SNX24: variants seen among roughly 807,000 people sequenced by gnomAD.
The protein encoded by SNX24 is sorting nexin 24, also known as sorting nexin-24.
SNX24 carries 22 observed loss-of-function variants against 28.7 expected under a neutral mutation model. The ratio of observed to expected loss-of-function variants is 0.77; its 90% CI spans 0.55 to 1.10. The LOEUF is 1.10. Among genes scored for constraint, SNX24 ranks in the 50% least tolerant of loss-of-function variants. The pLI, the probability that SNX24 is intolerant of heterozygous loss-of-function variation, is 0.00. For synonymous variants in SNX24, 69 were observed against 71.5 expected, an observed-to-expected ratio of 0.96 and a Z score of 0.18; for missense variants, 221 against 201.1, an observed-to-expected ratio of 1.10 and a Z score of -0.60.
chr5:122,915,199 C>A (rs908560977), intron 1 of SNX24, among the ~76,000 whole-genome samples: 2 of 152,202 alleles, frequency 1.3e-5, no homozygotes, highest in South Asian at 4.1e-4. Context: ...AATTTGCCCA[C>A]TTTCATCTCC....
intron 3 of SNX24, among the ~76,000 whole-genome samples, chr5:122,958,277 G>A (rs1420776685): frequency 1.3e-5 from 2 of 151,412 alleles, no homozygotes; most frequent in Non-Finnish European, 2.9e-5. Flanking sequence ...TTTTGAGACA[G>A]AGTTTCACTC....
At chr5:123,009,717 G>A (rs1032985751), downstream of SNX24, among the ~76,000 whole-genome samples, 8 of 152,268 alleles carry the variant, frequency 5.3e-5, no homozygotes, top group South Asian at 2.1e-4. Flanking sequence ...GGTCTTTTAC[G>A]CAGAAAAGGC....
At chr5:122,851,622 T>C (rs1754923221) in intron 1 of SNX24, among the ~76,000 whole-genome samples, 1 of 152,226 alleles carries the variant, frequency 6.6e-6, no homozygotes, top group Non-Finnish European at 1.5e-5. Context: ...CACTTAGAAA[T>C]GTAGCATGCT....
chr5:122,872,344 C>T lies in SNX24; in HGVS notation c.60+26651C>T, dbSNP rs544203409. On this transcript the variant is annotated intron_variant, in intron 1 of 6. Transcript: ENST00000261369. ...ATTTATTGATCACAGAATATTCCAA[C>T]TACCTTTCTGTGCTGTAGGCTCCTA... Among the ~76,000 whole-genome samples the T allele has an allele frequency of 2.1e-4, 32 of 152,122 alleles. No homozygotes were observed. In the East Asian group the frequency reaches 6.0e-3, roughly 29 times the overall value.
At chr5:122,967,657 G>T (rs1458186315) in intron 3 of SNX24, among the ~76,000 whole-genome samples, 2 of 152,300 alleles carry the variant, frequency 1.3e-5, no homozygotes, top group Admixed American at 6.5e-5. Flanking sequence ...ACTGCCTGGG[G>T]TCACATTTGA....
At chr5:122,899,252 A>C (rs182380356) in intron 1 of SNX24, among the ~76,000 whole-genome samples, 1 of 152,274 alleles carries the variant, frequency 6.6e-6, no homozygotes, top group Non-Finnish European at 1.5e-5. Context: ...GGGTTCTGGC[A>C]GTAGATGTTC....
chr5:122,854,556 T>A (rs1755095017), intron 1 of SNX24, among the ~76,000 whole-genome samples: 1 of 149,664 alleles, frequency 6.7e-6, no homozygotes, highest in Admixed American at 6.7e-5. Context: ...GTTACTTATG[T>A]AAAAAAAAAA....
rs1326933782 is a variant in SNX24 at position 122,885,357 on chromosome 5, C to CT, written c.60+39665dup. Among the ~76,000 whole-genome samples the CT allele has an allele frequency of 6.6e-5, 10 of 152,304 alleles. No individual in the cohort carries two copies. The East Asian group carries it at 1.7e-3, about 26-fold the overall frequency. On this transcript the variant is annotated intron_variant, in intron 1 of 6. Transcript: ENST00000261369. ...GGTGAGGTGGGGGTAGGGGAGCACA[C>CT]TGTTCAATGCCCCAGGCCCCTCCTG...
chr5:122,853,695 C>G (rs1299201111), intron 1 of SNX24: 2 of 403,420 alleles, frequency 5.0e-6, no homozygotes, highest in Admixed American at 5.1e-5. Context: ...GCAGTGTTGC[C>G]CAGGCAGGCC....
Position 123,025,371 on chromosome 5 carries a change from T to C in SNX24, n.384-3867T>C, listed in dbSNP as rs539222280. On this transcript the variant is annotated intron_variant and non_coding_transcript_variant, in intron 5 of 5. Transcript: ENST00000502387. ...TCTGTTTCTATCAATGTGACCACTTTAGATATTTTATATAAATGAAGTCAT... is the reference window on the plus strand; with the variant it reads ...TCTGTTTCTATCAATGTGACCACTTCAGATATTTTATATAAATGAAGTCAT... Among the ~76,000 whole-genome samples the C allele has an allele frequency of 1.6e-4, 24 of 152,338 alleles. No individual in the cohort carries two copies. In the South Asian group the frequency reaches 5.0e-3, roughly 32 times the overall value.
At chr5:122,877,794 G>A (rs1756298259) in intron 1 of SNX24, among the ~76,000 whole-genome samples, 1 of 152,090 alleles carries the variant, frequency 6.6e-6, no homozygotes, top group African/African-American at 2.4e-5. Flanking sequence ...TTTTGATTCT[G>A]CCTGAGTTTG....
chr5:122,850,682 C>T (rs746442739), intron 1 of SNX24, among the ~76,000 whole-genome samples: 21 of 151,606 alleles, frequency 1.4e-4, no homozygotes, highest in Non-Finnish European at 2.5e-4. Context: ...TTCATTTGGG[C>T]ACCCACTGAG....
At chr5:122,958,707 A>ATAAAG (rs1436903611) in intron 3 of SNX24, among the ~76,000 whole-genome samples, 1 of 112,798 alleles carries the variant, frequency 8.9e-6, no homozygotes, top group Admixed American at 9.8e-5. Context: ...TAGTCTTTTT[A>ATAAAG]TTTTTTAATT....
At chr5:122,926,205 G>A (rs417569) in intron 1 of SNX24, among the ~76,000 whole-genome samples, 147,248 of 152,290 alleles carry the variant, frequency 0.97, 71,237 homozygotes, top group East Asian at 1. Context: ...TAGGTAGAGG[G>A]AGAAGCACTC....
intron 2 of SNX24, among the ~76,000 whole-genome samples, chr5:122,937,152 A>G (rs1475951239): frequency 6.6e-6 from 1 of 152,252 alleles, no homozygotes; most frequent in Non-Finnish European, 1.5e-5. Context: ...CCTTACAGAC[A>G]GGGGAGAAAA....
intron 3 of SNX24, among the ~76,000 whole-genome samples, chr5:122,957,089 C>A (rs1760248205): frequency 6.6e-6 from 1 of 152,090 alleles, no homozygotes; most frequent in African/African-American, 2.4e-5. Flanking sequence ...GAAATCATTG[C>A]CAAATCCAGT....
At chr5:122,911,081 A>T (rs1229763371) in intron 1 of SNX24, among the ~76,000 whole-genome samples, 1 of 152,216 alleles carries the variant, frequency 6.6e-6, no homozygotes. Flanking sequence ...TTACAGTCCC[A>T]CCAACAGTGT....
downstream of SNX24, chr5:123,009,349 TATA>T (rs1762515406): frequency 2.8e-6 from 1 of 355,932 alleles, no homozygotes; most frequent in South Asian, 1.1e-4. Flanking sequence ...GATAAATTAT[TATA>T]ATAAATTATC....
intron 1 of SNX24, among the ~76,000 whole-genome samples, chr5:122,892,262 T>C (rs1757005091): frequency 6.6e-6 from 1 of 152,004 alleles, no homozygotes; most frequent in East Asian, 1.9e-4. Context: ...ATTTATATTT[T>C]TTAGTTGAAG....
Sources: gnomAD v4.1 joint callset for allele counts (sites outside exome capture counted in the v4.1 genomes callset) on GRCh38, gnomAD v4.1.1 for gene constraint, MANE v1.5 for transcripts, NCBI Gene and HGNC (gene_info 2026-07-23, HGNC 2026-07-21) for gene names.